Variants in C8orf34 observed in about 807,000 individuals in gnomAD.
The protein encoded by C8orf34 is uncharacterized protein C8orf34.
In C8orf34, 65 loss-of-function variants were observed where a neutral mutation model predicts 68.3. The observed-to-expected ratio is 0.95, with a 90% CI of 0.78 to 1.17. The LOEUF (loss-of-function observed/expected upper bound fraction) is 1.17, where lower values mean the gene tolerates loss of function less well. Among genes scored for constraint, C8orf34 ranks in the 50% most tolerant of loss-of-function variants. C8orf34 has a pLI of 0.00. For missense variants in C8orf34, 664 were observed against 655.4 expected (o/e 1.01, Z -0.14); for synonymous variants, 244 against 241.2 (o/e 1.01, Z -0.11).
chr8:68,763,096 T>C (rs922724352), intron 10 of C8orf34, among the ~76,000 whole-genome samples: 2 of 152,180 alleles, frequency 1.3e-5, no homozygotes, highest in Admixed American at 6.5e-5. Flanking sequence ...AAATTCTCCT[T>C]GGAGTAAGAT....
At chr8:68,717,561 G>T (rs1045606098) in intron 9 of C8orf34, among the ~76,000 whole-genome samples, 2 of 152,082 alleles carry the variant, frequency 1.3e-5, no homozygotes, top group Non-Finnish European at 2.9e-5. Flanking sequence ...TGGGTGATGG[G>T]ATAAGGAAGG....
At position 68,499,999 on chromosome 8, in the gene C8orf34, C is replaced by T. The variant is rs529583809; in HGVS notation, c.765+11948C>T. Among the ~76,000 whole-genome samples the T allele has an allele frequency of 9.2e-5, 14 of 152,196 alleles. No homozygotes were observed. In the East Asian group the frequency reaches 2.5e-3, roughly 27 times the overall value. On this transcript the variant is annotated intron_variant, in intron 5 of 13. Coordinates refer to ENST00000518698, the MANE Select transcript of C8orf34 (RefSeq NM_052958.4). ...TCTGGTTGTTTAAAAGTATGTGCGA[C>T]CATCCTCCTCACTCTCTTTCTCCCA... is the stretch of plus-strand genomic sequence containing the variant.
chr8:68,412,409 C>T (rs2129622283), intron 1 of C8orf34, among the ~76,000 whole-genome samples: 1 of 152,200 alleles, frequency 6.6e-6, no homozygotes, highest in South Asian at 2.1e-4. Context: ...ACATTTTAGA[C>T]TTGCTAGATG....
chr8:68,530,002 G>A (rs1003424280), intron 6 of C8orf34, among the ~76,000 whole-genome samples: 2 of 151,788 alleles, frequency 1.3e-5, no homozygotes, highest in Admixed American at 6.6e-5. Context: ...GGGGAAAATC[G>A]CCTTAAAGCC....
intron 7 of C8orf34, among the ~76,000 whole-genome samples, chr8:68,598,459 C>T (rs1181308546): frequency 6.6e-6 from 1 of 152,080 alleles, no homozygotes; most frequent in Non-Finnish European, 1.5e-5. Flanking sequence ...CAGCAAAGCG[C>T]ACCAGTGGGA....
At chr8:68,535,941 A>T in intron 7 of C8orf34, 1 of 869,810 alleles carries the variant, frequency 1.1e-6, no homozygotes, top group South Asian at 5.3e-5. Flanking sequence ...AGATATTTTC[A>T]AATATTTTAG....
intron 7 of C8orf34, among the ~76,000 whole-genome samples, chr8:68,558,529 T>C (rs1236733913): frequency 1.3e-5 from 2 of 151,932 alleles, no homozygotes; most frequent in Non-Finnish European, 2.9e-5. Context: ...TTTAATTAAT[T>C]GAGAAATGTC....
chr8:68,520,209 C>G (rs938320518), intron 5 of C8orf34, among the ~76,000 whole-genome samples: 2 of 152,136 alleles, frequency 1.3e-5, no homozygotes, highest in Admixed American at 6.6e-5. Flanking sequence ...TTCATGTAGG[C>G]TGGATCAATA....
At chr8:68,694,555 G>GC (rs1433037251) in intron 8 of C8orf34, among the ~76,000 whole-genome samples, 2 of 152,072 alleles carry the variant, frequency 1.3e-5, no homozygotes, top group African/African-American at 4.8e-5. Context: ...CAATAGCACT[G>GC]TTAGAGTTTA....
intron 12 of C8orf34, among the ~76,000 whole-genome samples, chr8:68,812,786 G>A (rs1193986395): frequency 1.3e-5 from 2 of 152,054 alleles, no homozygotes; most frequent in Non-Finnish European, 2.9e-5. Flanking sequence ...AACTTTTAAA[G>A]ATCACTTGAG....
intron 5 of C8orf34, among the ~76,000 whole-genome samples, chr8:68,491,329 C>T (rs1018497053): frequency 6.6e-6 from 1 of 151,398 alleles, no homozygotes; most frequent in African/African-American, 2.4e-5. Context: ...TATTGGCTTT[C>T]GATTGCTGCT....
intron 5 of C8orf34, among the ~76,000 whole-genome samples, chr8:68,498,691 A>G (rs1311683637): frequency 1.3e-5 from 2 of 152,222 alleles, no homozygotes; most frequent in African/African-American, 4.8e-5. Flanking sequence ...TATATAATGT[A>G]AGGTCCATAA....
intron 1 of C8orf34, chr8:68,438,579 A>C (rs1396175521): frequency 6.6e-6 from 1 of 152,198 alleles, no homozygotes; most frequent in Non-Finnish European, 1.5e-5. Flanking sequence ...TAAAACAGCA[A>C]TGAACAGACT....
intron 8 of C8orf34, 102 bp downstream of exon 8, chr8:68,640,613 T>C: frequency 8.4e-7 from 1 of 1,190,302 alleles, no homozygotes; most frequent in Non-Finnish European, 1.2e-6. Flanking sequence ...AGAACATCTT[T>C]TCCTTCCAGC....
chr8:68,606,447 C>A (rs9692888), intron 7 of C8orf34, among the ~76,000 whole-genome samples: 44,894 of 151,982 alleles, frequency 0.3, 8,444 homozygotes, highest in African/African-American at 0.55. Context: ...TGGCCCATAA[C>A]TTACAGAGAG....
intron 4 of C8orf34, among the ~76,000 whole-genome samples, chr8:68,485,365 A>G (rs963256708): frequency 3.9e-5 from 6 of 152,188 alleles, no homozygotes; most frequent in African/African-American, 1.4e-4. Flanking sequence ...TAAAAGTTAA[A>G]TGAGAAAACT....
intron 11 of C8orf34, 32 bp from the exon 12 acceptor site, chr8:68,787,411 G>A: frequency 6.6e-7 from 1 of 1,512,048 alleles, no homozygotes; most frequent in Non-Finnish European, 9.1e-7. Flanking sequence ...TCAAAACAGA[G>A]TTTAATCTAA....
chr8:68,485,649 T>A (rs540743424), intron 4 of C8orf34, among the ~76,000 whole-genome samples: 11 of 151,024 alleles, frequency 7.3e-5, no homozygotes, highest in African/African-American at 2.2e-4. Context: ...GAGGTGGGGG[T>A]TGCAGTGAGC....
chr8:68,707,337 G>A (rs963710055), intron 8 of C8orf34, among the ~76,000 whole-genome samples: 2 of 152,106 alleles, frequency 1.3e-5, no homozygotes, highest in Admixed American at 6.6e-5. Context: ...CCAATTTGTT[G>A]CGTTTTTAAT....
Sources: gnomAD v4.1 joint callset for allele counts (sites outside exome capture counted in the v4.1 genomes callset) on GRCh38, gnomAD v4.1.1 for gene constraint, MANE v1.5 for transcripts, NCBI Gene and HGNC (gene_info 2026-07-23, HGNC 2026-07-21) for gene names.